Variants in LSAMP observed in about 807,000 individuals in gnomAD.
The protein encoded by LSAMP is limbic system associated membrane protein.
A neutral mutation model predicts 38.6 loss-of-function variants in LSAMP; 7 were observed. The observed-to-expected ratio is 0.18, with a 90% CI of 0.10 to 0.34. The LOEUF (loss-of-function observed/expected upper bound fraction) is 0.34. Ranked by LOEUF, LSAMP falls within the 10% of genes least tolerant of loss-of-function variation. LSAMP has a pLI of 1.00. For missense variants in LSAMP, 313 were observed against 420.0 expected, an observed-to-expected ratio of 0.75 and a Z score of 2.23; for synonymous variants, 154 against 166.8, an observed-to-expected ratio of 0.92 and a Z score of 0.59.
chr3:116,268,906 C>T (rs1032119085), intron 1 of LSAMP, among the ~76,000 whole-genome samples: 1 of 151,932 alleles, frequency 6.6e-6, no homozygotes, highest in Non-Finnish European at 1.5e-5. Context: ...AAATAGCAGT[C>T]CAACCAGATT....
intron 2 of LSAMP, among the ~76,000 whole-genome samples, chr3:116,072,869 G>A (rs1707646101): frequency 6.7e-6 from 1 of 149,200 alleles, no homozygotes; most frequent in South Asian, 2.1e-4. Context: ...TGTTTACTCT[G>A]ATGATAGTTT....
chr3:116,142,842 A>T (rs1709402840), intron 1 of LSAMP, among the ~76,000 whole-genome samples: 2 of 151,906 alleles, frequency 1.3e-5, no homozygotes, highest in South Asian at 4.1e-4. Flanking sequence ...AGGTGATATC[A>T]GCCCTTTAGG....
At chr3:116,142,070 C>T (rs78679055) in intron 1 of LSAMP, among the ~76,000 whole-genome samples, 5,267 of 151,960 alleles carry the variant, frequency 0.035, 147 homozygotes, top group Non-Finnish European at 0.045. Context: ...TATAGTATAG[C>T]GGTAGGTGAA....
chr3:115,968,222 A>G (rs1482079101), intron 3 of LSAMP, among the ~76,000 whole-genome samples: 1 of 152,018 alleles, frequency 6.6e-6, no homozygotes, highest in Non-Finnish European at 1.5e-5. Flanking sequence ...GCTGCAAGAC[A>G]AAGTCCCTCT....
At chr3:116,135,791 C>A (rs566228457) in intron 1 of LSAMP, among the ~76,000 whole-genome samples, 1 of 152,282 alleles carries the variant, frequency 6.6e-6, no homozygotes, top group Admixed American at 6.5e-5. Context: ...GTTTCGATTA[C>A]GAAGTTTCAA....
intron 1 of LSAMP, among the ~76,000 whole-genome samples, chr3:116,318,273 T>C (rs2047660252): frequency 1.3e-5 from 2 of 152,214 alleles, no homozygotes; most frequent in South Asian, 4.1e-4. Flanking sequence ...TAATAGATTG[T>C]ATGAGCCAGA....
chr3:115,849,794 T>C (rs1004045582), intron 4 of LSAMP, among the ~76,000 whole-genome samples: 4 of 152,216 alleles, frequency 2.6e-5, no homozygotes, highest in African/African-American at 7.2e-5. Flanking sequence ...AACTCTGTGA[T>C]GACTAGTTTT....
intron 1 of LSAMP, among the ~76,000 whole-genome samples, chr3:116,180,043 T>A (rs1310502128): frequency 6.6e-6 from 1 of 152,178 alleles, no homozygotes; most frequent in African/African-American, 2.4e-5. Context: ...TCTGGAGATG[T>A]TTGCTCATTT....
chr3:116,263,234 A>G lies in LSAMP; in HGVS notation c.156-176678T>C, dbSNP rs139564681. 5.8e-3 allele frequency among the ~76,000 whole-genome samples: 884 copies of G among 152,310 alleles called. 6 individuals are homozygous for G. The highest frequency in any genetic ancestry group is 0.02 in the African/African-American group (837 of 41,566). On this transcript the variant is annotated intron_variant, in intron 1 of 6. Coordinates refer to ENST00000490035, the MANE Select transcript of LSAMP (RefSeq NM_002338.5). ...CTGCTCTCAACCGCAGGAACTGATT[A>G]ACCTACCATAAAAAAGGATGGGGCT...
chr3:116,154,988 C>T (rs57196061), intron 1 of LSAMP, among the ~76,000 whole-genome samples: 26,959 of 151,526 alleles, frequency 0.18, 2,511 homozygotes, highest in Admixed American at 0.22. Context: ...CAGATCTCAG[C>T]TCCACTGTCA....
At chr3:115,928,684 G>A (rs868120342) in intron 3 of LSAMP, among the ~76,000 whole-genome samples, 2 of 152,178 alleles carry the variant, frequency 1.3e-5, no homozygotes, top group Non-Finnish European at 2.9e-5. Flanking sequence ...AGTGCAGGGG[G>A]TGAGGAGGGG....
At chr3:115,970,871 T>C (rs1279100667) in intron 3 of LSAMP, among the ~76,000 whole-genome samples, 1 of 152,218 alleles carries the variant, frequency 6.6e-6, no homozygotes, top group Non-Finnish European at 1.5e-5. Context: ...CTGTGACATA[T>C]ATGTTGTCAT....
chr3:115,931,141 C>A (rs530407221), intron 3 of LSAMP, among the ~76,000 whole-genome samples: 1 of 152,102 alleles, frequency 6.6e-6, no homozygotes, highest in African/African-American at 2.4e-5. Flanking sequence ...TCCTTCCACC[C>A]GGGATTTCCC....
intron 1 of LSAMP, among the ~76,000 whole-genome samples, chr3:116,284,792 A>G (rs761777695): frequency 6.6e-6 from 1 of 152,184 alleles, no homozygotes; most frequent in Non-Finnish European, 1.5e-5. Context: ...TTCTAAAATG[A>G]CCAATTCCAT....
At chr3:116,412,576 G>A (rs1046755075) in intron 1 of LSAMP, among the ~76,000 whole-genome samples, 3 of 152,094 alleles carry the variant, frequency 2.0e-5, no homozygotes, top group South Asian at 2.1e-4. Context: ...CAGCAAGTTC[G>A]TAGTTTAGAA....
intron 1 of LSAMP, among the ~76,000 whole-genome samples, chr3:116,103,106 G>C: frequency 6.6e-6 from 1 of 152,190 alleles, no homozygotes; most frequent in East Asian, 1.9e-4. Context: ...GTCAGAGGTG[G>C]ATTATCTAGT....
At chr3:116,260,934 G>T (rs1293306607) in intron 1 of LSAMP, among the ~76,000 whole-genome samples, 6 of 152,176 alleles carry the variant, frequency 3.9e-5, no homozygotes, top group Non-Finnish European at 7.3e-5. Context: ...CATCACCTGG[G>T]AAAGGATGCA....
chr3:116,195,255 T>G (rs920974321), intron 1 of LSAMP, among the ~76,000 whole-genome samples: 4 of 152,224 alleles, frequency 2.6e-5, no homozygotes, highest in African/African-American at 9.6e-5. Context: ...TTTTCAAAAT[T>G]TCATCACTTC....
At chr3:115,817,031 T>A (rs1462025748) in intron 6 of LSAMP, among the ~76,000 whole-genome samples, 1 of 152,222 alleles carries the variant, frequency 6.6e-6, no homozygotes, top group African/African-American at 2.4e-5. Flanking sequence ...TTTATTCCAC[T>A]CAAGCCAACT....
Sources: allele counts gnomAD v4.1 joint callset (sites outside exome capture counted in the v4.1 genomes callset), GRCh38; gene constraint gnomAD v4.1.1; transcripts MANE v1.5; gene names NCBI Gene and HGNC (gene_info 2026-07-23, HGNC 2026-07-21).